BBS4: variants seen among roughly 807,000 people sequenced by gnomAD.
BBS4 encodes BBSome complex member BBS4.
BBS4 carries 58 observed loss-of-function variants against 71.4 expected under a neutral mutation model. The ratio of observed to expected loss-of-function variants is 0.81; its 90% CI spans 0.66 to 1.01. BBS4 has a LOEUF of 1.01. Among genes scored for constraint, BBS4 ranks in the 50% least tolerant of loss-of-function variants. The pLI is 0.00. For synonymous variants in BBS4, 228 were observed against 216.8 expected (o/e 1.05, Z -0.46); for missense variants, 660 against 607.9 (o/e 1.09, Z -0.90).
chr15:72,694,824 T>C (rs1316294446), intron 1 of BBS4, among the ~76,000 whole-genome samples: 1 of 152,226 alleles, frequency 6.6e-6, no homozygotes, highest in Non-Finnish European at 1.5e-5. Flanking sequence ...CAGCGATCAC[T>C]TTTTTGGTTT....
chr15:72,719,089 G>A (rs1364638364), intron 6 of BBS4, among the ~76,000 whole-genome samples: 1 of 151,922 alleles, frequency 6.6e-6, no homozygotes, highest in Non-Finnish European at 1.5e-5. Context: ...GTTTGAGACG[G>A]CACAGGAAAA....
intron 5 of BBS4, 26 bp from the exon 6 acceptor site, chr15:72,716,752 A>T: frequency 6.5e-7 from 1 of 1,535,192 alleles, no homozygotes; most frequent in Non-Finnish European, 9.0e-7. Flanking sequence ...TTGAGGTAAT[A>T]ATTATGGAAA....
rs966193477 is a variant in BBS4 at position 72,686,611 on chromosome 15, T to C, written c.24+360T>C. On this transcript the variant is annotated intron_variant, in intron 1 of 15. Transcript: ENST00000268057. ...GACAGTTCCTGTTAATCCCGTGAATTGGGAATTTAACATGCCTGGAAGCTT... is the reference window on the plus strand; with the variant it reads ...GACAGTTCCTGTTAATCCCGTGAATCGGGAATTTAACATGCCTGGAAGCTT... The C allele has an allele frequency of 2.3e-6, 3 of 1,318,244 alleles. No individual in the cohort carries two copies. The African/African-American group carries it at 4.5e-5, about 20-fold the overall frequency. 81.7% of individuals were successfully genotyped at this position (1,318,244 alleles called of 1,614,324 possible).
intron 1 of BBS4, among the ~76,000 whole-genome samples, chr15:72,693,289 C>G (rs950021137): frequency 1.3e-5 from 2 of 152,132 alleles, no homozygotes; most frequent in African/African-American, 4.8e-5. Context: ...TATTCCACTC[C>G]TTTGTTCTGG....
At chr15:72,689,663 A>G (rs2150989536) in intron 1 of BBS4, among the ~76,000 whole-genome samples, 1 of 152,198 alleles carries the variant, frequency 6.6e-6, no homozygotes, top group East Asian at 1.9e-4. Context: ...TTGAGGCTCC[A>G]GTGAGCCATG....
chr15:72,720,550 C>G (rs534501503), intron 6 of BBS4, among the ~76,000 whole-genome samples: 4 of 151,728 alleles, frequency 2.6e-5, no homozygotes, highest in Non-Finnish European at 5.9e-5. Flanking sequence ...CAGGGTATTC[C>G]ACAGTCTTGC....
chr15:72,725,057 T>TATATATAGAG (rs369692212), intron 8 of BBS4, among the ~76,000 whole-genome samples: 16 of 127,662 alleles, frequency 1.3e-4, no homozygotes, highest in South Asian at 2.7e-4. Context: ...TATATATATA[T>TATATATAGAG]AGAGAGAGAG....
At chr15:72,705,142 A>C (rs1201444456) in intron 2 of BBS4, among the ~76,000 whole-genome samples, 1 of 152,018 alleles carries the variant, frequency 6.6e-6, no homozygotes, top group African/African-American at 2.4e-5. Flanking sequence ...AGTGTAACAT[A>C]CTTTATTATC....
At position 72,736,806 on chromosome 15, in the gene BBS4, G is replaced by T. The variant is rs980372698; in HGVS notation, c.1293G>T (p.Gly431=). ...AQKLGAALQV[G]EALVWTKPVK... ...AGTTGGGAGCTGCTCTCCAGGTTGG[G>T]GAGGCACTGGTCTGGACCAAACCAG... is the stretch of plus-strand genomic sequence containing the variant. The change falls in exon 15 of 16, where the codon GGG becomes GGT. Residue 431 remains glycine, a synonymous_variant. Coordinates refer to ENST00000268057, the MANE Select transcript of BBS4 (RefSeq NM_033028.5). 2 of 1,614,198 alleles carry T rather than the reference G, an allele frequency of 1.2e-6. No homozygotes were observed. Among genetic ancestry groups the T allele is most frequent in the Non-Finnish European group, 1.7e-6 (2 of 1,180,036 alleles).
At chr15:72,732,664 A>C (rs56300009) in intron 12 of BBS4, among the ~76,000 whole-genome samples, 15,789 of 152,212 alleles carry the variant, frequency 0.1, 916 homozygotes, top group African/African-American at 0.12. Flanking sequence ...TATTATTCAG[A>C]TATGGTATGG....
At chr15:72,733,016 A>G (rs1048693276) in intron 12 of BBS4, among the ~76,000 whole-genome samples, 1 of 152,224 alleles carries the variant, frequency 6.6e-6, no homozygotes, top group African/African-American at 2.4e-5. Flanking sequence ...GGCCCAGTAA[A>G]GGAGGCAGTT....
intron 1 of BBS4, among the ~76,000 whole-genome samples, chr15:72,688,714 T>C (rs925254420): frequency 2.0e-5 from 3 of 152,204 alleles, no homozygotes; most frequent in African/African-American, 2.4e-5. Context: ...TATTTTTTAA[T>C]ACAATTAAAA....
At chr15:72,690,100 A>G (rs1003934221) in intron 1 of BBS4, among the ~76,000 whole-genome samples, 1 of 152,074 alleles carries the variant, frequency 6.6e-6, no homozygotes. Context: ...GAGCCACTGT[A>G]CCCAGCCTAT....
At chr15:72,692,786 C>T (rs2065010605) in intron 1 of BBS4, among the ~76,000 whole-genome samples, 1 of 151,936 alleles carries the variant, frequency 6.6e-6, no homozygotes, top group African/African-American at 2.4e-5. Context: ...TTTATAGAGG[C>T]AGAGTCTCGC....
chr15:72,706,882 T>C lies in BBS4; in HGVS notation c.77-2818T>C, dbSNP rs76411284. On this transcript the variant is annotated intron_variant, in intron 2 of 15. Coordinates refer to ENST00000268057, the MANE Select transcript of BBS4 (RefSeq NM_033028.5). ...TTTTGTTGAAATGAGGGTCCTGCTG[T>C]ATTGCCCAGGCTGGTATCAAATTTC... Among the ~76,000 whole-genome samples, 575 of 152,232 alleles carry C rather than the reference T, an allele frequency of 3.8e-3. 1 individual carries two copies. The highest frequency in any genetic ancestry group is 0.013 in the African/African-American group (557 of 41,544).
At chr15:72,712,152 C>A in intron 3 of BBS4, 92 bp from the exon 4 acceptor site, 1 of 1,156,544 alleles carries the variant, frequency 8.6e-7, no homozygotes, top group Non-Finnish European at 1.3e-6. Context: ...CAAGCATGAG[C>A]CACCGCACCT....
intron 1 of BBS4, among the ~76,000 whole-genome samples, chr15:72,687,384 A>T (rs1294438414): frequency 6.6e-6 from 1 of 151,726 alleles, no homozygotes; most frequent in African/African-American, 2.4e-5. Context: ...CGGGTGGATC[A>T]CTTGAGGTCA....
At chr15:72,726,423 C>CT (rs36011628) in intron 8 of BBS4, among the ~76,000 whole-genome samples, 110,499 of 152,024 alleles carry the variant, frequency 0.73, 40,638 homozygotes, top group Non-Finnish European at 0.79. Context: ...TGTGTTGTTA[C>CT]TTTTAAATGG....
chr15:72,737,770 G>A lies in BBS4; in HGVS notation c.*183G>A, dbSNP rs1458474075. On this transcript the variant is annotated 3_prime_UTR_variant, in exon 16 of 16. Transcript: ENST00000268057. ...TACCTGGTATTGGCATTTGAGGTCG[G>A]AAACCCTCTACTGCCCCATAAGCCA... is the stretch of plus-strand genomic sequence containing the variant. 2 of 637,592 alleles carry A rather than the reference G, an allele frequency of 3.1e-6. No homozygotes were observed. The highest frequency in any genetic ancestry group is 5.8e-6 in the Non-Finnish European group (2 of 346,174). 39.5% of individuals were successfully genotyped at this position (637,592 alleles called of 1,614,324 possible).
Sources: gnomAD v4.1 joint callset for allele counts (sites outside exome capture counted in the v4.1 genomes callset) on GRCh38, gnomAD v4.1.1 for gene constraint, MANE v1.5 for transcripts, NCBI Gene and HGNC (gene_info 2026-07-23, HGNC 2026-07-21) for gene names.